The following SLC35B3 variants were observed in gnomAD, a reference collection of about 807,000 sequenced individuals.
SLC35B3 encodes adenosine 3'-phospho 5'-phosphosulfate transporter 2.
SLC35B3 carries 35 observed loss-of-function variants against 44.1 expected under a neutral mutation model. That is an observed-to-expected ratio of 0.79 (90% confidence interval 0.61 to 1.05). The LOEUF (loss-of-function observed/expected upper bound fraction) is 1.05. Ranked by LOEUF, SLC35B3 falls within the 50% of genes least tolerant of loss-of-function variation. The pLI is 0.00. For missense variants in SLC35B3, 414 were observed against 476.4 expected (o/e 0.87, Z 1.22); for synonymous variants, 146 against 167.3 (o/e 0.87, Z 0.98).
chr6:8,430,505 A>AC (rs1763867094), intron 2 of SLC35B3, among the ~76,000 whole-genome samples: 1 of 152,188 alleles, frequency 6.6e-6, no homozygotes, highest in Non-Finnish European at 1.5e-5. Flanking sequence ...TCACTTGTAG[A>AC]GGAGTAAAAA....
chr6:8,416,059 G>C (rs2113263643), intron 9 of SLC35B3, among the ~76,000 whole-genome samples: 1 of 152,216 alleles, frequency 6.6e-6, no homozygotes, highest in East Asian at 1.9e-4. Context: ...ACCTGGCTCT[G>C]GTTGACTATG....
chr6:8,423,577 C>T (rs574202607), intron 4 of SLC35B3, among the ~76,000 whole-genome samples: 27 of 152,200 alleles, frequency 1.8e-4, no homozygotes, highest in African/African-American at 6.0e-4. Context: ...ACTGGTATGA[C>T]GAACACAGAC....
intron 4 of SLC35B3, among the ~76,000 whole-genome samples, chr6:8,426,771 A>T (rs1248397501): frequency 6.6e-6 from 1 of 152,320 alleles, no homozygotes; most frequent in South Asian, 2.1e-4. Flanking sequence ...ACTGGGTATC[A>T]GGCAGAGGCT....
intron 8 of SLC35B3, 76 bp from the exon 8 acceptor site, chr6:8,417,071 A>C: frequency 1.4e-6 from 1 of 738,698 alleles, no homozygotes; most frequent in South Asian, 2.0e-5. Flanking sequence ...AAAACTACAG[A>C]TGTTAATCAA....
chr6:8,427,366 T>A (rs915751477), intron 4 of SLC35B3, among the ~76,000 whole-genome samples: 3 of 152,240 alleles, frequency 2.0e-5, no homozygotes, highest in African/African-American at 7.2e-5. Flanking sequence ...AAGGTCACTA[T>A]GCTGTGTGCA....
intron 4 of SLC35B3, among the ~76,000 whole-genome samples, chr6:8,422,869 G>C (rs76969832): frequency 0.024 from 3,661 of 150,510 alleles, 73 homozygotes; most frequent in Non-Finnish European, 0.035. Flanking sequence ...GTAAAAAAGA[G>C]TTTAGATTTT....
At position 8,434,557 on chromosome 6, in the gene SLC35B3, G is replaced by GAA; in HGVS notation, c.-43-129_-43-128dup. 2 of 650,760 alleles carry GAA rather than the reference G, an allele frequency of 3.1e-6. No homozygotes were observed. The highest frequency in any genetic ancestry group is 4.7e-6 in the Non-Finnish European group (2 of 429,590). The allele number at this position is 650,760 out of a possible 1,614,324, so 40.3% of individuals were successfully genotyped here. ...AGACTATTCTTTTTTTTTTCCAAGA[G>GAA]AAAAAGTTAACACTAGGACTTTATA... On this transcript the variant is annotated intron_variant, in intron 1 of 10. Coordinates refer to ENST00000644923, the MANE Select transcript of SLC35B3 (RefSeq NM_001370476.2). The surrounding 1 kb of genome is among the most constrained non-coding windows in gnomAD (Gnocchi z 6.3).
Position 8,419,640 on chromosome 6 carries a change from G to T in SLC35B3, c.720C>A (p.Ala240=). The stretch of plus-strand genomic sequence containing the variant: ...CTTTCTCTTGAACATTTCCAATGAC[G>T]GCATCTGCACATAGTGCCAGGGAAA... The change falls in exon 7 of 11, where the codon GCC becomes GCA. Residue 240 remains alanine (A), a synonymous_variant. Transcript: ENST00000644923. The surrounding 1 kb of genome is among the most constrained non-coding windows in gnomAD (Gnocchi z 4.3). The T allele has an allele frequency of 1.3e-6, 2 of 1,560,052 alleles. No individual in the cohort carries two copies. Among genetic ancestry groups the T allele is most frequent in the Non-Finnish European group, 1.7e-6 (2 of 1,146,914 alleles).
chr6:8,417,528 C>T lies in SLC35B3; in HGVS notation c.781-34G>A, dbSNP rs114199926. ...GATAAAAATAAAGCAGAAAAAAGTA[C>T]TATGAAACTGAAAATGGAAGATTAA... On this transcript the variant is annotated intron_variant, in intron 7 of 10. Transcript: ENST00000644923. 2.2e-3 allele frequency: 2,924 copies of T among 1,299,798 alleles called. 54 individuals are homozygous for T. The African/African-American group carries it at 0.04, about 18-fold the overall frequency. 80.5% of individuals were successfully genotyped at this position (1,299,798 alleles called of 1,614,324 possible). A position where few individuals can be genotyped will look rare whatever the true frequency, so the allele number is the denominator to read the frequency against.
chr6:8,425,212 C>T (rs1013972283), intron 4 of SLC35B3, among the ~76,000 whole-genome samples: 4 of 152,250 alleles, frequency 2.6e-5, no homozygotes, highest in African/African-American at 9.6e-5. Context: ...TGAAATGTAA[C>T]AGAACATGCA....
intron 4 of SLC35B3, among the ~76,000 whole-genome samples, chr6:8,425,254 T>C (rs565049955): frequency 1.3e-5 from 2 of 152,264 alleles, no homozygotes; most frequent in Non-Finnish European, 2.9e-5. Flanking sequence ...CCTACAAAGA[T>C]AGTATTAGTG....
chr6:8,431,966 T>G (rs1764032015), intron 2 of SLC35B3, among the ~76,000 whole-genome samples: 1 of 145,222 alleles, frequency 6.9e-6, no homozygotes, highest in Non-Finnish European at 1.5e-5. Context: ...TGATGTCCTT[T>G]CAGCCTGAGG....
At position 8,419,608 on chromosome 6, in the gene SLC35B3, T is replaced by TTC. The variant is rs1221387524; in HGVS notation, c.750_751dup (p.Lys251ArgfsTer27). 1 of 1,565,488 alleles carries TTC rather than the reference T, an allele frequency of 6.4e-7. No individual in the cohort carries two copies. Among genetic ancestry groups the TTC allele is most frequent in the Admixed American group, 1.8e-5 (1 of 57,012 alleles). ...TTCAGAATTAGAAGCATTATGAAGT[T>TTC]TCATAGCTTTCTCTTGAACATTTCC... is the stretch of plus-strand genomic sequence containing the variant. On this transcript the variant is annotated frameshift_variant, in exon 7 of 11. Transcript: ENST00000644923. LOFTEE classifies it high-confidence loss of function. This position sits in a 1 kb window ranked among gnomAD's most constrained non-coding sequence, Gnocchi z 4.3.
chr6:8,424,690 G>A (rs917847629), intron 4 of SLC35B3, among the ~76,000 whole-genome samples: 1 of 152,118 alleles, frequency 6.6e-6, no homozygotes, highest in Non-Finnish European at 1.5e-5. Context: ...AGTATATTTA[G>A]GATATTACAG....
chr6:8,429,872 AC>A lies in SLC35B3; in HGVS notation c.288del (p.Tyr97IlefsTer5). 1.3e-6 allele frequency: 2 copies of A among 1,574,412 alleles called. No individual in the cohort carries two copies. Among genetic ancestry groups the A allele is most frequent in the South Asian group, 1.1e-5 (1 of 86,982 alleles). On this transcript the variant is annotated frameshift_variant, in exon 3 of 11. Coordinates refer to ENST00000644923, the MANE Select transcript of SLC35B3 (RefSeq NM_001370476.2). LOFTEE classifies it high-confidence loss of function. ...ACATATAACTTTTTTACCTGTAAAT[AC>A]CCATAAATTAGGTAAAATACAAAAA...
intron 9 of SLC35B3, among the ~76,000 whole-genome samples, chr6:8,415,591 C>T (rs1464170631): frequency 6.6e-6 from 1 of 152,136 alleles, no homozygotes; most frequent in Non-Finnish European, 1.5e-5. Context: ...TCCCACTTGA[C>T]TATGTGCTTT....
In SLC35B3 at chr6:8,427,925, C is replaced by A; in HGVS notation, c.419+12G>T. ...ATATAGAAATATCAAAAAATAAAAA[C>A]AAACCACATACCTCCTCCTTTTGTC... On this transcript the variant is annotated intron_variant, in intron 4 of 10. Transcript: ENST00000644923. 5 of 1,592,836 alleles carry A rather than the reference C, an allele frequency of 3.1e-6. No individual in the cohort carries two copies. The highest frequency in any genetic ancestry group is 3.4e-6 in the Non-Finnish European group (4 of 1,171,188).
At chr6:8,414,355 A>G (rs947441884) in intron 10 of SLC35B3, among the ~76,000 whole-genome samples, 13 of 152,208 alleles carry the variant, frequency 8.5e-5, no homozygotes, top group Admixed American at 2.0e-4. Flanking sequence ...AATGTCAAAC[A>G]AATAGTAAAG....
intron 5 of SLC35B3, among the ~76,000 whole-genome samples, chr6:8,422,091 G>A (rs1762945606): frequency 6.6e-6 from 1 of 152,088 alleles, no homozygotes; most frequent in African/African-American, 2.4e-5. Context: ...TGCAACCTCT[G>A]CCTCCTGGGT....
Sources: allele counts gnomAD v4.1 joint callset (sites outside exome capture counted in the v4.1 genomes callset), GRCh38; gene constraint gnomAD v4.1.1; non-coding constraint Gnocchi (gnomAD v3.1); transcripts MANE v1.5; gene names NCBI Gene and HGNC (gene_info 2026-07-23, HGNC 2026-07-21).